The following JAK1 variants were observed in gnomAD, a reference collection of about 807,000 sequenced individuals.
JAK1 encodes the protein Janus kinase 1.
In JAK1, 16 loss-of-function variants were observed where a neutral mutation model predicts 136.6. The ratio of observed to expected loss-of-function variants is 0.12; its 90% CI spans 0.08 to 0.18. The LOEUF is 0.18. Ranked by LOEUF, JAK1 falls within the 10% of genes least tolerant of loss-of-function variation. JAK1 has a pLI of 1.00. For missense variants in JAK1, 859 were observed against 1,450.1 expected (o/e 0.59, Z 6.62); for synonymous variants, 492 against 519.5 (o/e 0.95, Z 0.72).
intron 2 of JAK1, among the ~76,000 whole-genome samples, chr1:64,994,650 G>A (rs145664794): frequency 3.9e-5 from 6 of 152,218 alleles, no homozygotes; most frequent in South Asian, 2.1e-4. Context: ...CAACACTGCC[G>A]CATTCAGGAT....
chr1:64,850,281 T>A (rs575224761), intron 12 of JAK1, among the ~76,000 whole-genome samples: 12 of 152,300 alleles, frequency 7.9e-5, no homozygotes, highest in African/African-American at 2.9e-4. Flanking sequence ...GCTCAGCCTG[T>A]AGATTCTGGG....
Position 64,904,962 on chromosome 1 carries a change from C to T in JAK1, c.-77-18621G>A, listed in dbSNP as rs182269735. On this transcript the variant is annotated intron_variant, in intron 1 of 24. Transcript: ENST00000342505. Reference sequence around the variant, plus strand: ...ACAACCCAAACACCTGGGAAAAATCCTTGCAATTCTGATAAAACAGGTAGG... The same window carrying T: ...ACAACCCAAACACCTGGGAAAAATCTTTGCAATTCTGATAAAACAGGTAGG... 1.1e-3 allele frequency among the ~76,000 whole-genome samples: 169 copies of T among 152,222 alleles called. 2 individuals carry two copies. The highest frequency in any genetic ancestry group is 2.4e-4 in the Non-Finnish European group (16 of 68,002).
chr1:64,944,789 A>G (rs1272885889), intron 1 of JAK1, among the ~76,000 whole-genome samples: 1 of 152,206 alleles, frequency 6.6e-6, no homozygotes, highest in Non-Finnish European at 1.5e-5. Flanking sequence ...AAATATTAAC[A>G]AAGGTTGTGA....
Position 64,855,498 on chromosome 1 carries a change from G to A in JAK1, c.1648+11C>T, listed in dbSNP as rs1655868672. 1.9e-6 allele frequency: 3 copies of A among 1,612,892 alleles called. No homozygotes were observed. The Admixed American group carries it at 5.0e-5, about 27-fold the overall frequency. On this transcript the variant is annotated intron_variant, in intron 11 of 24. Transcript: ENST00000342505. ...TGGGATACAGCCTGGCTCTGGCACA[G>A]GGAGACGAACCTCGGGGCTTGGGCT...
At chr1:64,845,676 T>C (rs35506578) in intron 14 of JAK1, 36 bp from the exon 15 acceptor site, 131 of 1,613,732 alleles carry the variant, frequency 8.1e-5, no homozygotes, top group Non-Finnish European at 1.0e-4. Flanking sequence ...TGGAACCTGG[T>C]CTGTGGCACG....
intron 1 of JAK1, among the ~76,000 whole-genome samples, chr1:64,918,933 G>C (rs1407982566): frequency 1.3e-5 from 2 of 151,966 alleles, no homozygotes; most frequent in Non-Finnish European, 2.9e-5. Flanking sequence ...TTTCGAAGAA[G>C]AAAAATTTAT....
chr1:64,977,992 A>C (rs1646512073), intron 2 of JAK1, among the ~76,000 whole-genome samples: 1 of 151,886 alleles, frequency 6.6e-6, no homozygotes, highest in South Asian at 2.1e-4. Flanking sequence ...TTATTAAAAT[A>C]TACTTGGCTG....
In JAK1 at chr1:64,867,042, C is replaced by A. The variant is rs2101115141; in HGVS notation, c.814G>T (p.Ala272Ser). Residue 272 changes from alanine to serine, a missense_variant, in exon 7 of 25, where the codon GCT (alanine) becomes TCT (serine). Around this residue, in one of 4 missense-constraint regions of JAK1, gnomAD observed 353 missense variants for 494.0 expected, o/e 0.71. Transcript: ENST00000342505. ...TGTTTTGTCAAAGTTTCCAAGGTAG[C>A]CAAGTATTTCACCTTCAGGTCATGC... ...STHDLKVKYL[A>S]TLETLTKHYG... The A allele has an allele frequency of 6.2e-7, 1 of 1,614,246 alleles. No individual in the cohort carries two copies. The highest frequency in any genetic ancestry group is 8.5e-7 in the Non-Finnish European group (1 of 1,180,052).
chr1:65,067,369 C>T (rs1648104367), intron 1 of JAK1, among the ~76,000 whole-genome samples: 1 of 149,354 alleles, frequency 6.7e-6, no homozygotes, highest in Non-Finnish European at 1.5e-5. Flanking sequence ...TCGCCGGAGC[C>T]GCTCTGTGCG....
Position 64,902,583 on chromosome 1 carries a change from A to AGAGAGAGAGAGAGAGAGAGAGAGT in JAK1, c.-77-16243_-77-16242insACTCTCTCTCTCTCTCTCTCTCTC. On this transcript the variant is annotated intron_variant, in intron 1 of 24. Coordinates refer to ENST00000342505, the MANE Select transcript of JAK1 (RefSeq NM_002227.4). ...GAGAGAGAGAGAGAGAGAGAGAGAG[A>AGAGAGAGAGAGAGAGAGAGAGAGT]GTGTGTGTGTGTGTGTGTGTGTGTG... Among the ~76,000 whole-genome samples, 37 of 73,788 alleles carry AGAGAGAGAGAGAGAGAGAGAGAGT rather than the reference A, an allele frequency of 5.0e-4. 1 individual carries two copies. The highest frequency in any genetic ancestry group is 2.0e-3 in the African/African-American group (32 of 16,210). The allele number at this position is 73,788 out of a possible 152,430, so 48.4% of individuals were successfully genotyped here. A position where few individuals can be genotyped will look rare whatever the true frequency, so the allele number is the denominator to read the frequency against.
At chr1:64,862,233 G>C (rs940296569) in intron 8 of JAK1, among the ~76,000 whole-genome samples, 3 of 152,186 alleles carry the variant, frequency 2.0e-5, no homozygotes, top group African/African-American at 7.2e-5. Flanking sequence ...CTCTCCACCT[G>C]CTAGTAGGGT....
chr1:64,990,425 A>C (rs1646643977), intron 2 of JAK1: 1 of 152,314 alleles, frequency 6.6e-6, no homozygotes, highest in East Asian at 1.9e-4. Flanking sequence ...CTAGAACAAG[A>C]CTATTACAGG....
At chr1:65,015,260 A>G (rs1036496335) in intron 2 of JAK1, among the ~76,000 whole-genome samples, 8 of 152,240 alleles carry the variant, frequency 5.3e-5, no homozygotes. Flanking sequence ...ACAATGTCAT[A>G]TGAGATGAAA....
chr1:65,064,463 T>C (rs1647954426), intron 1 of JAK1, among the ~76,000 whole-genome samples: 1 of 152,204 alleles, frequency 6.6e-6, no homozygotes. Context: ...CCACTTCCAA[T>C]CTTTAAGTTG....
intron 1 of JAK1, among the ~76,000 whole-genome samples, chr1:65,057,378 G>A (rs765731562): frequency 7.2e-5 from 11 of 152,228 alleles, no homozygotes; most frequent in Non-Finnish European, 1.0e-4. Context: ...TCTAGAGTAA[G>A]ATGGAGGTTG....
chr1:64,920,401 G>A (rs1462275727), intron 1 of JAK1, among the ~76,000 whole-genome samples: 8 of 152,096 alleles, frequency 5.3e-5, no homozygotes, highest in African/African-American at 1.9e-4. Context: ...TTAGCTGGGT[G>A]TGGTGGCACA....
chr1:64,965,784 T>G (rs1646362976), intron 1 of JAK1, among the ~76,000 whole-genome samples: 1 of 150,454 alleles, frequency 6.6e-6, no homozygotes, highest in South Asian at 2.1e-4. Flanking sequence ...GTTTCCCGAG[T>G]TCGCGGACGC....
Position 64,867,173 on chromosome 1 carries a change from G to C in JAK1, c.683C>G (p.Ser228Cys). Reference protein sequence around the residue: ...KRYIPETLNKSIRQRNLLTRM... With the variant: ...KRYIPETLNKCIRQRNLLTRM... ...GGTGAGAAGGTTCCTCTGTCTGATG[G>C]ACTTATTCAATGTTTCTGGAATATA... The change falls in exon 7 of 25, where the codon TCC (serine) becomes TGC (cysteine). Residue 228 changes from serine (S) to cysteine (C), a missense_variant. By Grantham distance (112) the Ser-to-Cys change is moderately radical. Around this residue, in one of 4 missense-constraint regions of JAK1, gnomAD observed 353 missense variants for 494.0 expected, o/e 0.71. Transcript: ENST00000342505. 1 of 1,606,330 alleles carries C rather than the reference G, an allele frequency of 6.2e-7. No homozygotes were observed. The highest frequency in any genetic ancestry group is 8.5e-7 in the Non-Finnish European group (1 of 1,174,140).
At chr1:64,896,100 G>A (rs1645009969) in intron 1 of JAK1, among the ~76,000 whole-genome samples, 1 of 152,210 alleles carries the variant, frequency 6.6e-6, no homozygotes, top group Non-Finnish European at 1.5e-5. Context: ...CCCTATCAAT[G>A]AATTGAAAAC....
Sources: gnomAD v4.1 joint callset for allele counts (sites outside exome capture counted in the v4.1 genomes callset) on GRCh38, gnomAD v4.1.1 for gene constraint, gnomAD v4.1.1 regional missense constraint, MANE v1.5 for transcripts, NCBI Gene and HGNC (gene_info 2026-07-23, HGNC 2026-07-21) for gene names.